GALNTL6: variants seen among roughly 807,000 people sequenced by gnomAD.
GALNTL6 encodes polypeptide N-acetylgalactosaminyltransferase like 6.
GALNTL6 carries 46 observed loss-of-function variants against 73.7 expected under a neutral mutation model. The observed-to-expected ratio is 0.62, with a 90% CI of 0.49 to 0.80. GALNTL6 has a LOEUF of 0.80. Ranked by LOEUF, GALNTL6 falls within the 30% of genes least tolerant of loss-of-function variation. The pLI, the probability that GALNTL6 is intolerant of heterozygous loss-of-function variation, is 0.00. For synonymous variants in GALNTL6, 259 were observed against 263.7 expected (o/e 0.98, Z 0.17); for missense variants, 604 against 755.0 (o/e 0.80, Z 2.34).
At chr4:172,930,651 G>A (rs1748282956) in intron 8 of GALNTL6, among the ~76,000 whole-genome samples, 1 of 152,070 alleles carries the variant, frequency 6.6e-6, no homozygotes, top group South Asian at 2.1e-4. Flanking sequence ...GTTGTCTATG[G>A]AAACAGGATT....
chr4:172,869,202 C>A (rs931303748), intron 7 of GALNTL6, among the ~76,000 whole-genome samples: 4 of 152,170 alleles, frequency 2.6e-5, no homozygotes, highest in Non-Finnish European at 5.9e-5. Context: ...CAAATAATTT[C>A]TGGCCACTAG....
chr4:172,663,902 CCTGGGTGACAAAGTGAGACT>C (rs1243319187), intron 5 of GALNTL6, among the ~76,000 whole-genome samples: 1 of 148,880 alleles, frequency 6.7e-6, no homozygotes, highest in Non-Finnish European at 1.5e-5. Flanking sequence ...TGCACTCCAG[CCTGGGTGACAAAGTGAGACT>C]CTGTCTCAAA....
chr4:172,193,863 AAAAAG>A (rs1245841693), intron 2 of GALNTL6, among the ~76,000 whole-genome samples: 1 of 152,176 alleles, frequency 6.6e-6, no homozygotes, highest in African/African-American at 2.4e-5. Flanking sequence ...TCCATCTCAA[AAAAAG>A]AAAAGAAAAG....
Position 171,902,059 on chromosome 4 carries a change from C to A in GALNTL6, c.138+87341C>A, listed in dbSNP as rs527518558. On this transcript the variant is annotated intron_variant, in intron 2 of 12. Transcript: ENST00000506823. The stretch of plus-strand genomic sequence containing the variant: ...GAGATAAGTGGGAATGTTGCTAGTT[C>A]AATTTTATTTAAGTTTGTGAACTTC... Among the ~76,000 whole-genome samples, 25 of 152,138 alleles carry A rather than the reference C, an allele frequency of 1.6e-4. No homozygotes were observed. In the East Asian group the frequency reaches 4.8e-3, roughly 30 times the overall value.
chr4:172,276,271 G>A (rs1419078373), intron 3 of GALNTL6, among the ~76,000 whole-genome samples: 2 of 152,068 alleles, frequency 1.3e-5, no homozygotes, highest in Non-Finnish European at 1.5e-5. Flanking sequence ...CTGGAGCCAC[G>A]GCAGTCATTC....
At chr4:172,493,931 G>A (rs1024979921) in intron 5 of GALNTL6, among the ~76,000 whole-genome samples, 2 of 151,858 alleles carry the variant, frequency 1.3e-5, no homozygotes, top group African/African-American at 2.4e-5. Flanking sequence ...TTTAAGATTC[G>A]GTTGCTATTT....
chr4:171,833,532 T>A (rs936461797), intron 2 of GALNTL6, among the ~76,000 whole-genome samples: 1 of 151,734 alleles, frequency 6.6e-6, no homozygotes, highest in South Asian at 2.1e-4. Flanking sequence ...AGATTCTGCA[T>A]TTTTTTGAGT....
At chr4:172,720,624 T>G (rs1735414539) in intron 5 of GALNTL6, among the ~76,000 whole-genome samples, 1 of 152,228 alleles carries the variant, frequency 6.6e-6, no homozygotes, top group Non-Finnish European at 1.5e-5. Context: ...AATGAAAAAC[T>G]TCCTCTAAAT....
intron 12 of GALNTL6, among the ~76,000 whole-genome samples, chr4:173,028,804 G>A (rs1223103387): frequency 6.6e-6 from 1 of 152,170 alleles, no homozygotes; most frequent in African/African-American, 2.4e-5. Context: ...ACTTTCTTTA[G>A]TTGCTCTCTG....
rs111495890 is a variant in GALNTL6 at position 172,923,422 on chromosome 4, C to T, written c.1042-7739C>T. On this transcript the variant is annotated intron_variant, in intron 8 of 12. Coordinates refer to ENST00000506823, the MANE Select transcript of GALNTL6 (RefSeq NM_001034845.3). ...GATTCAGTTACCTCCCACTGGGTCC[C>T]TACCACTACACTTGGGAAATGTGGG... Among the ~76,000 whole-genome samples the T allele has an allele frequency of 5.3e-3, 807 of 152,222 alleles. 11 individuals carry two copies. The highest frequency in any genetic ancestry group is 0.018 in the African/African-American group (763 of 41,528).
At chr4:172,420,188 A>G (rs974235690) in intron 5 of GALNTL6, among the ~76,000 whole-genome samples, 1 of 152,184 alleles carries the variant, frequency 6.6e-6, no homozygotes. Context: ...GCTCATTGTC[A>G]TGAGTGAGAA....
chr4:172,838,416 C>T (rs915771095), intron 7 of GALNTL6, among the ~76,000 whole-genome samples: 1 of 152,204 alleles, frequency 6.6e-6, no homozygotes, highest in African/African-American at 2.4e-5. Flanking sequence ...TGTCCTGCCA[C>T]ACTGTTCTTG....
chr4:172,628,651 C>T (rs144977642), intron 5 of GALNTL6, among the ~76,000 whole-genome samples: 12 of 151,926 alleles, frequency 7.9e-5, no homozygotes, highest in African/African-American at 2.7e-4. Context: ...GATGGTATAT[C>T]TCTGAATATG....
intron 2 of GALNTL6, among the ~76,000 whole-genome samples, chr4:171,860,217 C>T (rs1735798205): frequency 6.6e-6 from 1 of 152,158 alleles, no homozygotes; most frequent in African/African-American, 2.4e-5. Flanking sequence ...AATATTAAAT[C>T]CATTTGCTGA....
intron 5 of GALNTL6, among the ~76,000 whole-genome samples, chr4:172,614,581 A>G (rs949092747): frequency 6.6e-6 from 1 of 152,188 alleles, no homozygotes; most frequent in Non-Finnish European, 1.5e-5. Context: ...GCATCTTCAG[A>G]TATTAGAAAG....
At chr4:172,376,588 G>A (rs182392560) in intron 5 of GALNTL6, among the ~76,000 whole-genome samples, 4 of 151,828 alleles carry the variant, frequency 2.6e-5, no homozygotes, top group Admixed American at 2.0e-4. Context: ...CACGCTAGTC[G>A]CTTTTAACTG....
intron 5 of GALNTL6, among the ~76,000 whole-genome samples, chr4:172,368,894 G>T (rs568379053): frequency 6.6e-6 from 1 of 152,176 alleles, no homozygotes; most frequent in African/African-American, 2.4e-5. Flanking sequence ...TCGTGGTCTC[G>T]CTGGCTTCAG....
intron 7 of GALNTL6, among the ~76,000 whole-genome samples, chr4:172,873,433 G>A (rs1468683831): frequency 2.0e-5 from 3 of 152,210 alleles, no homozygotes; most frequent in Non-Finnish European, 4.4e-5. Flanking sequence ...GTCACAGGGG[G>A]TGAAGTCTGT....
chr4:172,416,536 C>T (rs763364040), intron 5 of GALNTL6, among the ~76,000 whole-genome samples: 1 of 152,126 alleles, frequency 6.6e-6, no homozygotes, highest in East Asian at 1.9e-4. Context: ...GAAGCCCCCA[C>T]CTTTTTCATA....
Sources: gnomAD v4.1 joint callset for allele counts (sites outside exome capture counted in the v4.1 genomes callset) on GRCh38, gnomAD v4.1.1 for gene constraint, MANE v1.5 for transcripts, NCBI Gene and HGNC (gene_info 2026-07-23, HGNC 2026-07-21) for gene names.